UNKL: variants seen among roughly 807,000 people sequenced by gnomAD.
The protein encoded by UNKL is unk like zinc finger, also known as putative E3 ubiquitin-protein ligase UNKL.
Under a neutral mutation model 78.0 loss-of-function variants are expected in UNKL, and 60 were observed. That is an observed-to-expected ratio of 0.77 (90% CI 0.63 to 0.95). The LOEUF (loss-of-function observed/expected upper bound fraction) is 0.95, where lower values mean the gene tolerates loss of function less well. Ranked by LOEUF, UNKL falls within the 40% of genes least tolerant of loss-of-function variation. The pLI is 0.00. For synonymous variants in UNKL, 608 were observed against 474.8 expected (o/e 1.28, Z -3.65); for missense variants, 1,159 against 1,045.7 (o/e 1.11, Z -1.49).
At chr16:1,406,338 G>A (rs902706804) in intron 2 of UNKL, among the ~76,000 whole-genome samples, 2 of 151,722 alleles carry the variant, frequency 1.3e-5, no homozygotes, top group South Asian at 2.1e-4. Context: ...TCAGCCTCCC[G>A]AGTAACTGGG....
chr16:1,385,209 G>A lies in UNKL; in HGVS notation c.1263C>T (p.Leu421=), dbSNP rs925072479. 3.7e-5 allele frequency: 47 copies of A among 1,281,414 alleles called. No homozygotes were observed. Among genetic ancestry groups the A allele is most frequent in the Admixed American group, 4.2e-5 (1 of 23,866 alleles). The allele number at this position is 1,281,414 out of a possible 1,614,324, so 79.4% of individuals were successfully genotyped here. A position where few individuals can be genotyped will look rare whatever the true frequency, so the allele number is the denominator to read the frequency against. The change falls in exon 10 of 15, where the codon CTC becomes CTT. Residue 421 remains leucine, a splice_region_variant and synonymous_variant. Coordinates refer to ENST00000389221, the MANE Select transcript of UNKL (RefSeq NM_001372107.1). ...AAAGGAGGACGGTGCTGGACTTACC[G>A]AGGACGGCCTCCACAGTGCTGCTGG... The part of the protein sequence containing the change: ...GPASSTVEAV[L]GSALDLHLSN...
intron 10 of UNKL, among the ~76,000 whole-genome samples, chr16:1,384,250 GGCA>G (rs2036723459): frequency 1.7e-5 from 2 of 120,168 alleles, no homozygotes; most frequent in Non-Finnish European, 3.4e-5. Flanking sequence ...ACCCCAACAC[GGCA>G]GGTGTCCCCA....
chr16:1,395,561 C>G, intron 6 of UNKL: 1 of 403,142 alleles, frequency 2.5e-6, no homozygotes, highest in Non-Finnish European at 5.1e-6. Flanking sequence ...CCTGCACCTT[C>G]TAGTGGAGGC....
intron 7 of UNKL, among the ~76,000 whole-genome samples, chr16:1,393,326 T>C (rs966981003): frequency 2.6e-5 from 4 of 151,804 alleles, no homozygotes; most frequent in Middle Eastern, 3.4e-3. Context: ...GCCGTGTGGG[T>C]TCCCACTGAA....
intron 13 of UNKL, 144 bp downstream of exon 13, chr16:1,367,499 TCCCTCCCTCCCTC>T (rs1284510001): frequency 1.6e-4 from 16 of 101,238 alleles, no homozygotes; most frequent in East Asian, 1.5e-3. Context: ...CCTCCCTCCC[TCCCTCCCTCCCTC>T]CCCCTCCCGT....
intron 2 of UNKL, chr16:1,411,928 G>C (rs1416406095): frequency 6.6e-6 from 1 of 152,172 alleles, no homozygotes; most frequent in Admixed American, 6.5e-5. Flanking sequence ...TTATCGCCTA[G>C]GCTAAGCACT....
intron 13 of UNKL, 134 bp from the exon 14 acceptor site, chr16:1,367,483 G>GGCCCCCCC: frequency 5.3e-6 from 3 of 568,654 alleles, no homozygotes; most frequent in South Asian, 4.5e-5. Context: ...GACCCCTGCG[G>GGCCCCCCC]CCCTCCCTCC....
At chr16:1,368,398 C>T (rs1020050747) in intron 12 of UNKL, among the ~76,000 whole-genome samples, 3 of 151,126 alleles carry the variant, frequency 2.0e-5, no homozygotes, top group Admixed American at 6.6e-5. Flanking sequence ...GTCAGGAGAT[C>T]GAGACCATCC....
rs184831971 is a variant in UNKL at position 1,386,211 on chromosome 16, C to A, written c.1087-826G>T. Reference sequence around the variant, plus strand: ...ATTACTGGAGGTCAGGAGTTCGAGACCAGCCTGGCCAACATGGCGAAACCC... The same window carrying A: ...ATTACTGGAGGTCAGGAGTTCGAGAACAGCCTGGCCAACATGGCGAAACCC... On this transcript the variant is annotated intron_variant, in intron 9 of 14. Coordinates refer to ENST00000389221, the MANE Select transcript of UNKL (RefSeq NM_001372107.1). Among the ~76,000 whole-genome samples, 455 of 152,240 alleles carry A rather than the reference C, an allele frequency of 3.0e-3. 1 individual carries two copies. Among genetic ancestry groups the A allele is most frequent in the Middle Eastern group, 0.01 (3 of 294 alleles).
rs543489421 is a variant in UNKL at position 1,369,271 on chromosome 16, T to C, written c.1585+859A>G. ...TTTTAGTAGAGACGGGGTTTCACCA[T>C]GTTGGCCAGGATGGTCTCGATATCC... On this transcript the variant is annotated intron_variant, in intron 12 of 14. Transcript: ENST00000389221. 4.6e-5 allele frequency among the ~76,000 whole-genome samples: 7 copies of C among 150,820 alleles called. No homozygotes were observed. In the East Asian group the frequency reaches 1.2e-3, roughly 26 times the overall value.
chr16:1,370,451 G>A lies in UNKL; in HGVS notation c.1358-94C>T, dbSNP rs929452520. 3 of 1,475,956 alleles carry A rather than the reference G, an allele frequency of 2.0e-6. No homozygotes were observed. The African/African-American group carries it at 4.3e-5, about 21-fold the overall frequency. 91.4% of individuals were successfully genotyped at this position (1,475,956 alleles called of 1,614,324 possible). On this transcript the variant is annotated intron_variant, in intron 11 of 14. Transcript: ENST00000389221. ...GCAGCCGTGGAAGACGGACCCTGCA[G>A]GTGGTGGTGGTGGGGATATGGGGGG...
chr16:1,387,690 C>A lies in UNKL; in HGVS notation c.1087-2305G>T, dbSNP rs575961074. ...CAGAACCAAAAGCTCAGGATGGCAA[C>A]GCACGGCCCTCCGGGGACGTGGACA... On this transcript the variant is annotated intron_variant, in intron 9 of 14. Transcript: ENST00000389221. This position sits in a 1 kb window ranked among gnomAD's most constrained non-coding sequence, Gnocchi z 4.1. 1.3e-5 allele frequency among the ~76,000 whole-genome samples: 2 copies of A among 152,146 alleles called. No homozygotes were observed. Among genetic ancestry groups the A allele is most frequent in the South Asian group, 4.1e-4 (2 of 4,830 alleles).
Position 1,370,171 on chromosome 16 carries a change from G to A in UNKL, c.1544C>T (p.Pro515Leu), listed in dbSNP as rs1222762421. ...TGAGGCTGCAGAGCCCAGTGTGCCC[G>A]GCTCTGAACGCAGGGGTGGCGGCTG... ...PQQPPPLRSE[P>L]GTLGSAASSY... Residue 515 changes from proline (P) to leucine (L), a missense_variant, in exon 12 of 15, where the codon CCG becomes CTG. Physicochemically the swap from Pro to Leu is moderately conservative, Grantham distance 98. Transcript: ENST00000389221. 7.3e-6 allele frequency: 11 copies of A among 1,514,474 alleles called. No homozygotes were observed. The East Asian group carries it at 7.4e-5, about 10-fold the overall frequency. 93.8% of individuals were successfully genotyped at this position (1,514,474 alleles called of 1,614,324 possible).
In UNKL at chr16:1,367,205, C is replaced by T. The variant is rs751719035; in HGVS notation, c.1933G>A (p.Val645Ile). The change falls in exon 14 of 15, where the codon GTA becomes ATA. Residue 645 changes from valine (V) to isoleucine (I), a missense_variant. Val to Ile is a conservative substitution (Grantham distance 29, BLOSUM62 3). Transcript: ENST00000389221. Reference protein sequence around the residue: ...QLQEELEGLGVASTLPGLRGC... With the variant: ...QLQEELEGLGIASTLPGLRGC... Reference sequence around the variant, plus strand: ...CGCAGCCCCGGCAGTGTGGAGGCTACGCCCAGGCCCTCCAGCTCCTCCTGC... The same window carrying T: ...CGCAGCCCCGGCAGTGTGGAGGCTATGCCCAGGCCCTCCAGCTCCTCCTGC... 58 of 1,604,958 alleles carry T rather than the reference C, an allele frequency of 3.6e-5. No individual in the cohort carries two copies. The highest frequency in any genetic ancestry group is 1.6e-4 in the East Asian group (7 of 44,696).
At chr16:1,371,450 T>C in intron 11 of UNKL, 69 bp downstream of exon 11, 2 of 1,480,522 alleles carry the variant, frequency 1.4e-6, no homozygotes, top group Non-Finnish European at 1.8e-6. Context: ...GCTCAAGCGA[T>C]CCTCCGGCCA....
chr16:1,369,757 A>G (rs1340399629), intron 12 of UNKL, among the ~76,000 whole-genome samples: 1 of 152,206 alleles, frequency 6.6e-6, no homozygotes, highest in Non-Finnish European at 1.5e-5. Flanking sequence ...CAGGCAGATC[A>G]CGAGGTCAGG....
intron 12 of UNKL, 164 bp downstream of exon 12, chr16:1,369,966 C>T (rs2035659528): frequency 6.4e-7 from 1 of 1,550,456 alleles, no homozygotes; most frequent in Non-Finnish European, 8.7e-7. Context: ...CAGAGCGAGA[C>T]TCGGTCTGCG....
chr16:1,365,965 G>T lies in UNKL; in HGVS notation c.*275C>A. 3.1e-6 allele frequency: 1 copy of T among 325,426 alleles called. No individual in the cohort carries two copies. 20.2% of individuals were successfully genotyped at this position (325,426 alleles called of 1,614,324 possible). Reference sequence around the variant, plus strand: ...ATCCCGGAGGCACCAGGCCCCTCAGGGACAGGCAGGCGGGTTCTGTGGGTT... The same window carrying T: ...ATCCCGGAGGCACCAGGCCCCTCAGTGACAGGCAGGCGGGTTCTGTGGGTT... On this transcript the variant is annotated 3_prime_UTR_variant, in exon 15 of 15. Transcript: ENST00000389221.
Position 1,403,203 on chromosome 16 carries a change from G to A in UNKL, c.429C>T (p.Gly143=), listed in dbSNP as rs1166657333. 1.2e-6 allele frequency: 2 copies of A among 1,613,698 alleles called. No individual in the cohort carries two copies. The highest frequency in any genetic ancestry group is 1.1e-5 in the South Asian group (1 of 91,026). ...KNGLHCAFAH[G]PLDLRPPVCD... is the part of the protein sequence containing the mutation. ...ACACGGGCGGCCGCAGGTCCAGGGGGCCGTGCGCGAAGGCACAGTGCAGCC... is the reference window on the plus strand; with the variant it reads ...ACACGGGCGGCCGCAGGTCCAGGGGACCGTGCGCGAAGGCACAGTGCAGCC... Residue 143 remains glycine, a synonymous_variant, in exon 3 of 15, where the codon GGC becomes GGT. Coordinates refer to ENST00000389221, the MANE Select transcript of UNKL (RefSeq NM_001372107.1). This position sits in a 1 kb window ranked among gnomAD's most constrained non-coding sequence, Gnocchi z 4.8.
Sources: allele counts gnomAD v4.1 joint callset (sites outside exome capture counted in the v4.1 genomes callset), GRCh38; gene constraint gnomAD v4.1.1; non-coding constraint Gnocchi (gnomAD v3.1); transcripts MANE v1.5; gene names NCBI Gene and HGNC (gene_info 2026-07-23, HGNC 2026-07-21).